Variants in SUCLG1 observed in about 807,000 individuals in gnomAD.
SUCLG1 encodes the protein succinate--CoA ligase [ADP/GDP-forming] subunit alpha, mitochondrial.
In SUCLG1, 26 loss-of-function variants were observed where a neutral mutation model predicts 37.3. The observed-to-expected ratio is 0.70, with a 90% confidence interval of 0.51 to 0.97. SUCLG1 has a LOEUF of 0.97. SUCLG1 is among the 50% of genes least tolerant of loss of function. The pLI is 0.00. For synonymous variants in SUCLG1, 163 were observed against 155.6 expected (o/e 1.05, Z -0.36); for missense variants, 433 against 432.9 (o/e 1.00, Z 0.00).
intron 1 of SUCLG1, among the ~76,000 whole-genome samples, chr2:84,451,435 A>C (rs1187413406): frequency 1.3e-5 from 2 of 152,220 alleles, no homozygotes; most frequent in Non-Finnish European, 2.9e-5. Flanking sequence ...AAGTACTCTT[A>C]TACTCACTAA....
chr2:84,453,424 A>AT (rs397957512), intron 1 of SUCLG1, among the ~76,000 whole-genome samples: 56 of 151,902 alleles, frequency 3.7e-4, no homozygotes, highest in East Asian at 1.4e-3. Context: ...TATTATTATT[A>AT]TTTTTTTTGA....
intron 1 of SUCLG1, among the ~76,000 whole-genome samples, chr2:84,455,527 A>T (rs2014304): frequency 0.97 from 146,663 of 151,946 alleles, 70,829 homozygotes; most frequent in East Asian, 1. Flanking sequence ...ATAAGACACA[A>T]CCTAATGTAA....
intron 7 of SUCLG1, among the ~76,000 whole-genome samples, chr2:84,430,396 A>G (rs1375632321): frequency 6.6e-6 from 1 of 152,250 alleles, no homozygotes; most frequent in African/African-American, 2.4e-5. Flanking sequence ...TAAGTGACAG[A>G]CAGGAGCCTG....
intron 8 of SUCLG1, 25 bp from the exon 9 acceptor site, chr2:84,423,797 A>C: frequency 6.3e-7 from 1 of 1,599,574 alleles, no homozygotes; most frequent in Non-Finnish European, 8.5e-7. Flanking sequence ...GAGAGAGAGA[A>C]GAGAGATGGA....
intron 2 of SUCLG1, among the ~76,000 whole-genome samples, chr2:84,446,994 A>G (rs1458598101): frequency 6.6e-6 from 1 of 152,194 alleles, no homozygotes; most frequent in Non-Finnish European, 1.5e-5. Flanking sequence ...AAATAAGCTT[A>G]TGTTTCTTAG....
rs111714627 is a variant in SUCLG1, at chr2:84,436,263, G to A, written c.590-2828C>T. ...TTAGGTAATGCTAACTTTCAGCACT[G>A]TTAAGAATTATATTAAAATCATAAT... On this transcript the variant is annotated intron_variant, in intron 5 of 8. Transcript: ENST00000393868. Among the ~76,000 whole-genome samples the A allele has an allele frequency of 6.7e-3, 1,027 of 152,240 alleles. 9 individuals are homozygous for A. The highest frequency in any genetic ancestry group is 0.023 in the African/African-American group (965 of 41,548).
intron 1 of SUCLG1, among the ~76,000 whole-genome samples, chr2:84,451,458 C>G (rs117250297): frequency 6.6e-6 from 1 of 152,328 alleles, no homozygotes; most frequent in East Asian, 1.9e-4. Context: ...TAACAAAGAT[C>G]AGACAATTCA....
intron 2 of SUCLG1, among the ~76,000 whole-genome samples, chr2:84,448,089 AT>A (rs58974873): frequency 3.6e-4 from 51 of 142,762 alleles, no homozygotes; most frequent in Non-Finnish European, 3.7e-4. Context: ...TTGATATTGG[AT>A]TTTTTTTTTT....
At chr2:84,455,432 T>C (rs1300088843) in intron 1 of SUCLG1, among the ~76,000 whole-genome samples, 1 of 151,568 alleles carries the variant, frequency 6.6e-6, no homozygotes, top group East Asian at 1.9e-4. Flanking sequence ...AGGCAGAGGA[T>C]GCGGTGAGCT....
chr2:84,448,546 T>A (rs1672886083), intron 2 of SUCLG1, among the ~76,000 whole-genome samples: 1 of 144,744 alleles, frequency 6.9e-6, no homozygotes. Flanking sequence ...AAAAAAAAAT[T>A]GACTGCTTTT....
chr2:84,447,598 T>C (rs1672869381), intron 2 of SUCLG1, among the ~76,000 whole-genome samples: 1 of 152,040 alleles, frequency 6.6e-6, no homozygotes, highest in African/African-American at 2.4e-5. Context: ...TATTAATATA[T>C]AACAAAAAAC....
intron 3 of SUCLG1, among the ~76,000 whole-genome samples, chr2:84,441,887 T>C (rs551742741): frequency 1.3e-5 from 2 of 152,198 alleles, no homozygotes; most frequent in Non-Finnish European, 2.9e-5. Context: ...ATCATGGGGA[T>C]GTAGGTACTT....
chr2:84,453,249 A>G (rs1177401265), intron 1 of SUCLG1, among the ~76,000 whole-genome samples: 2 of 152,148 alleles, frequency 1.3e-5, no homozygotes, highest in Admixed American at 6.5e-5. Flanking sequence ...CCTAACATTT[A>G]ACAGACAAGG....
intron 5 of SUCLG1, among the ~76,000 whole-genome samples, chr2:84,440,311 G>C (rs1672748530): frequency 6.6e-6 from 1 of 152,098 alleles, no homozygotes; most frequent in African/African-American, 2.4e-5. Flanking sequence ...AGGCGGAGGT[G>C]GGGGTAAGCC....
intron 5 of SUCLG1, among the ~76,000 whole-genome samples, chr2:84,436,553 C>T (rs573270123): frequency 6.6e-6 from 1 of 152,198 alleles, no homozygotes; most frequent in South Asian, 2.1e-4. Context: ...ACTGCTGACA[C>T]AGTAAAATGG....
At chr2:84,433,134 G>A (rs901826456) in intron 6 of SUCLG1, 47 of 598,776 alleles carry the variant, frequency 7.8e-5, no homozygotes, top group African/African-American at 7.4e-4. Context: ...CGTGTTCCAA[G>A]ATGTTAGTTC....
intron 2 of SUCLG1, among the ~76,000 whole-genome samples, chr2:84,447,414 G>T (rs761801113): frequency 6.6e-6 from 1 of 152,168 alleles, no homozygotes; most frequent in African/African-American, 2.4e-5. Flanking sequence ...ACCTTATTTA[G>T]AATATAGAGA....
At chr2:84,439,437 T>C (rs1672735733) in intron 5 of SUCLG1, among the ~76,000 whole-genome samples, 1 of 152,102 alleles carries the variant, frequency 6.6e-6, no homozygotes, top group Admixed American at 6.5e-5. Flanking sequence ...CCCAAGAATA[T>C]AAGAAATATT....
At position 84,459,039 on chromosome 2, in the gene SUCLG1, C is replaced by T. The variant is rs535796849; in HGVS notation, c.97+134G>A. ...ACCGTAGGGGTCCCCGACTCGAAGC[C>T]GGAATCCCAAGCGGCTCCCAGGCCC... On this transcript the variant is annotated intron_variant, in intron 1 of 8. Coordinates refer to ENST00000393868, the MANE Select transcript of SUCLG1 (RefSeq NM_003849.4). 144 of 900,144 alleles carry T rather than the reference C, an allele frequency of 1.6e-4. No individual in the cohort carries two copies. In the East Asian group the frequency reaches 3.9e-3, roughly 25 times the overall value. The allele number at this position is 900,144 out of a possible 1,614,324, so 55.8% of individuals were successfully genotyped here. A position where few individuals can be genotyped will look rare whatever the true frequency, so the allele number is the denominator to read the frequency against.
Sources: gnomAD v4.1 joint callset for allele counts (sites outside exome capture counted in the v4.1 genomes callset) on GRCh38, gnomAD v4.1.1 for gene constraint, MANE v1.5 for transcripts, NCBI Gene and HGNC (gene_info 2026-07-23, HGNC 2026-07-21) for gene names.